Variants in AUH observed in about 807,000 individuals in gnomAD.
The protein encoded by AUH is AU RNA binding methylglutaconyl-CoA hydratase, also known as methylglutaconyl-CoA hydratase, mitochondrial.
In AUH, 29 loss-of-function variants were observed where a neutral mutation model predicts 42.3. The observed-to-expected ratio is 0.69, with a 90% CI of 0.51 to 0.93. AUH has a LOEUF of 0.93. AUH is among the 40% of genes least tolerant of loss of function. The pLI is 0.00. For missense variants in AUH, 452 were observed against 438.1 expected, an observed-to-expected ratio of 1.03 and a Z score of -0.28; for synonymous variants, 174 against 166.4, an observed-to-expected ratio of 1.05 and a Z score of -0.35.
At position 91,329,251 on chromosome 9, in the gene AUH, A is replaced by C. The variant is rs190927079; in HGVS notation, c.419-3847T>G. ...ATGTTTTCATTTGTCTTGGATAAAG[A>C]CAAAGTAGAATTGCTAGGTCATACT... On this transcript the variant is annotated intron_variant, in intron 3 of 9. Transcript: ENST00000375731. Among the ~76,000 whole-genome samples the C allele has an allele frequency of 5.2e-4, 79 of 152,134 alleles. No homozygotes were observed. In the East Asian group the frequency reaches 0.013, roughly 24 times the overall value.
intron 4 of AUH, among the ~76,000 whole-genome samples, chr9:91,316,411 G>C (rs78046600): frequency 1.3e-5 from 2 of 152,108 alleles, no homozygotes; most frequent in African/African-American, 2.4e-5. Flanking sequence ...GTGAACTACC[G>C]AGTCTTATGG....
intron 6 of AUH, among the ~76,000 whole-genome samples, chr9:91,233,846 T>C (rs2131304060): frequency 6.6e-6 from 1 of 152,306 alleles, no homozygotes; most frequent in East Asian, 1.9e-4. Flanking sequence ...GTGATGGTTT[T>C]AGTTATCAGG....
intron 6 of AUH, among the ~76,000 whole-genome samples, chr9:91,251,748 T>A (rs998872853): frequency 9.2e-5 from 14 of 152,300 alleles, no homozygotes; most frequent in Middle Eastern, 3.4e-3. Flanking sequence ...TAAATTCTTA[T>A]ACTGATCAAG....
chr9:91,274,046 C>A (rs58733798), intron 6 of AUH, among the ~76,000 whole-genome samples: 6,310 of 152,162 alleles, frequency 0.041, 409 homozygotes, highest in African/African-American at 0.14. Flanking sequence ...TTATGTAGGG[C>A]AGGGAAACAG....
intron 7 of AUH, among the ~76,000 whole-genome samples, chr9:91,219,458 T>C (rs147793486): frequency 9.3e-4 from 141 of 152,358 alleles, no homozygotes; most frequent in African/African-American, 3.3e-3. Flanking sequence ...TTAATTTGTC[T>C]TTAGGTAGAG....
Position 91,220,858 on chromosome 9 carries a change from C to T in AUH, c.790G>A (p.Gly264Arg), listed in dbSNP as rs1337137400. The T allele has an allele frequency of 6.2e-6, 10 of 1,614,138 alleles. No individual in the cohort carries two copies. Among genetic ancestry groups the T allele is most frequent in the Non-Finnish European group, 8.5e-6 (10 of 1,180,058 alleles). Residue 264 changes from glycine to arginine, a missense_variant, in exon 7 of 10, where the codon GGA becomes AGA. Coordinates refer to ENST00000375731, the MANE Select transcript of AUH (RefSeq NM_001698.3). Reference protein sequence around the residue: ...ISHVLEQNQEGDAAYRKALDL... With the variant: ...ISHVLEQNQERDAAYRKALDL... The stretch of plus-strand genomic sequence containing the variant: ...AAGGCCTTCCTGTAGGCCGCGTCTC[C>T]CTCCTGGTTCTGTTCCAGAACGTGG...
At chr9:91,340,217 C>A (rs771557323) in intron 3 of AUH, among the ~76,000 whole-genome samples, 9 of 152,160 alleles carry the variant, frequency 5.9e-5, no homozygotes, top group Admixed American at 1.3e-4. Context: ...ACAGTAACTA[C>A]CTTCTGCAGC....
chr9:91,261,030 GT>G (rs966310945), intron 6 of AUH, among the ~76,000 whole-genome samples: 69 of 152,096 alleles, frequency 4.5e-4, no homozygotes, highest in African/African-American at 1.6e-3. Flanking sequence ...TCTCTTATTA[GT>G]TTTTTTCTTT....
chr9:91,298,933 T>C lies in AUH; in HGVS notation c.506-857A>G, dbSNP rs547457696. Reference sequence around the variant, plus strand: ...CAGAAAGTGGATTTTAAAAAGGTAATATCGGCCGGGCGCTGTGGCTCACGC... The same window carrying C: ...CAGAAAGTGGATTTTAAAAAGGTAACATCGGCCGGGCGCTGTGGCTCACGC... On this transcript the variant is annotated intron_variant, in intron 4 of 9. Coordinates refer to ENST00000375731, the MANE Select transcript of AUH (RefSeq NM_001698.3). Among the ~76,000 whole-genome samples, 8 of 152,222 alleles carry C rather than the reference T, an allele frequency of 5.3e-5. 1 individual carries two copies. The highest frequency in any genetic ancestry group is 4.6e-4 in the Admixed American group (7 of 15,290).
At chr9:91,341,009 G>A (rs1831061741) in intron 3 of AUH, among the ~76,000 whole-genome samples, 1 of 152,184 alleles carries the variant, frequency 6.6e-6, no homozygotes. Flanking sequence ...AGAAAGCCCT[G>A]AGAAGGCAAA....
chr9:91,242,550 A>G (rs1305501104), intron 6 of AUH, among the ~76,000 whole-genome samples: 6 of 152,244 alleles, frequency 3.9e-5, no homozygotes, highest in Non-Finnish European at 8.8e-5. Flanking sequence ...AGCTCAACAC[A>G]TGAAAAACAC....
intron 6 of AUH, among the ~76,000 whole-genome samples, chr9:91,254,158 C>T (rs752519908): frequency 6.6e-6 from 1 of 152,210 alleles, no homozygotes; most frequent in Non-Finnish European, 1.5e-5. Context: ...GAAGACTGCA[C>T]ATCTGTGAAG....
Position 91,361,864 on chromosome 9 carries a change from G to C in AUH, c.26C>G (p.Pro9Arg). ...AGCATGCAGGGATCCCAAGGCCCCA[G>C]GTGCCGCCGCCACCGCGGCCGCCAT... The part of the protein sequence containing the change: MAAAVAAA[P>R]GALGSLHAGG... The change falls in exon 1 of 10, where the codon CCT (proline) becomes CGT (arginine). Residue 9 changes from proline (P) to arginine (R), a missense_variant. By Grantham distance (103) the Pro-to-Arg change is moderately radical. Transcript: ENST00000375731. 1.4e-6 allele frequency: 2 copies of C among 1,474,620 alleles called. No homozygotes were observed. The highest frequency in any genetic ancestry group is 1.3e-5 in the South Asian group (1 of 77,214). 91.3% of individuals were successfully genotyped at this position (1,474,620 alleles called of 1,614,324 possible).
intron 4 of AUH, among the ~76,000 whole-genome samples, chr9:91,314,130 G>T (rs565763564): frequency 2.4e-4 from 37 of 152,092 alleles, no homozygotes; most frequent in African/African-American, 8.4e-4. Context: ...GCCCATAAAC[G>T]CATTTTGTTA....
chr9:91,352,185 G>A (rs145685665), intron 3 of AUH, among the ~76,000 whole-genome samples: 1 of 152,224 alleles, frequency 6.6e-6, no homozygotes, highest in Non-Finnish European at 1.5e-5. Context: ...TGAGGCACGA[G>A]AATCGCTTGA....
chr9:91,228,851 T>C (rs1347270688), intron 6 of AUH, among the ~76,000 whole-genome samples: 1 of 152,238 alleles, frequency 6.6e-6, no homozygotes, highest in Middle Eastern at 3.2e-3. Flanking sequence ...AGTTTCCATG[T>C]AGTTGAGCAG....
At chr9:91,268,513 C>T (rs1376476135) in intron 6 of AUH, among the ~76,000 whole-genome samples, 1 of 152,144 alleles carries the variant, frequency 6.6e-6, no homozygotes, top group Non-Finnish European at 1.5e-5. Flanking sequence ...TCACTGCAAC[C>T]TCGGCCTTCC....
intron 3 of AUH, among the ~76,000 whole-genome samples, chr9:91,347,362 C>G (rs893635118): frequency 6.6e-6 from 1 of 152,072 alleles, no homozygotes; most frequent in Non-Finnish European, 1.5e-5. Context: ...TGGCTCTGAA[C>G]CCCGCTGTTT....
chr9:91,295,715 T>C (rs1827271564), intron 6 of AUH, among the ~76,000 whole-genome samples: 1 of 152,204 alleles, frequency 6.6e-6, no homozygotes, highest in African/African-American at 2.4e-5. Flanking sequence ...GATATGTACA[T>C]TGTGTTTTTA....
Sources: gnomAD v4.1 joint callset for allele counts (sites outside exome capture counted in the v4.1 genomes callset) on GRCh38, gnomAD v4.1.1 for gene constraint, MANE v1.5 for transcripts, NCBI Gene and HGNC (gene_info 2026-07-23, HGNC 2026-07-21) for gene names.